The following RB1CC1 variants were observed in gnomAD, a reference collection of about 807,000 sequenced individuals.
The protein encoded by RB1CC1 is RB1-inducible coiled-coil protein 1.
RB1CC1 carries 46 observed loss-of-function variants against 177.5 expected under a neutral mutation model. The ratio of observed to expected loss-of-function variants is 0.26; its 90% confidence interval spans 0.20 to 0.33. The LOEUF is 0.33. Among genes scored for constraint, RB1CC1 ranks in the 10% least tolerant of loss-of-function variants. RB1CC1 has a pLI of 1.00. For missense variants in RB1CC1, 1,703 were observed against 1,816.3 expected (o/e 0.94, Z 1.13); for synonymous variants, 666 against 613.6 (o/e 1.09, Z -1.26).
chr8:52,694,143 A>T (rs1022265158), intron 1 of RB1CC1, among the ~76,000 whole-genome samples: 1 of 152,070 alleles, frequency 6.6e-6, no homozygotes, highest in Non-Finnish European at 1.5e-5. Context: ...ATCCTCACAC[A>T]CTTCACTCCC....
At chr8:52,680,129 C>A (rs2150578749) in intron 5 of RB1CC1, among the ~76,000 whole-genome samples, 1 of 151,928 alleles carries the variant, frequency 6.6e-6, no homozygotes, top group East Asian at 1.9e-4. Context: ...ACTAAATTAC[C>A]CTAATTTAGT....
chr8:52,623,753 T>C lies in RB1CC1; in HGVS notation c.*29A>G. The C allele has an allele frequency of 6.7e-7, 1 of 1,502,626 alleles. No individual in the cohort carries two copies. Among genetic ancestry groups the C allele is most frequent in the Non-Finnish European group, 9.3e-7 (1 of 1,079,838 alleles). 93.1% of individuals were successfully genotyped at this position (1,502,626 alleles called of 1,614,324 possible). A position where few individuals can be genotyped will look rare whatever the true frequency, so the allele number is the denominator to read the frequency against. ...CTGCAGGACAAATCAGAAAAAAATG[T>C]CATAGAATGTATTAATTTTGTCCAT... is the stretch of plus-strand genomic sequence containing the variant. On this transcript the variant is annotated 3_prime_UTR_variant, in exon 24 of 24. Coordinates refer to ENST00000025008, the MANE Select transcript of RB1CC1 (RefSeq NM_014781.5).
intron 15 of RB1CC1, among the ~76,000 whole-genome samples, chr8:52,650,348 C>T (rs763469301): frequency 6.6e-6 from 1 of 152,200 alleles, no homozygotes; most frequent in East Asian, 1.9e-4. Context: ...TGTAGCCAAA[C>T]ATGTGGGCAA....
chr8:52,636,554 T>A (rs1849156896), intron 18 of RB1CC1, among the ~76,000 whole-genome samples: 1 of 152,200 alleles, frequency 6.6e-6, no homozygotes, highest in Non-Finnish European at 1.5e-5. Flanking sequence ...ACAATTATTA[T>A]TTAGGTTTTA....
Position 52,622,638 on chromosome 8 carries a change from C to T in RB1CC1, c.*1144G>A, listed in dbSNP as rs980338774. The T allele has an allele frequency of 5.3e-5, 8 of 151,798 alleles. No homozygotes were observed. The highest frequency in any genetic ancestry group is 1.9e-4 in the African/African-American group (8 of 41,338). 9.4% of individuals were successfully genotyped at this position (151,798 alleles called of 1,614,324 possible). A position where few individuals can be genotyped will look rare whatever the true frequency, so the allele number is the denominator to read the frequency against. On this transcript the variant is annotated 3_prime_UTR_variant, in exon 24 of 24. Transcript: ENST00000025008. Reference sequence around the variant, plus strand: ...TTATTATTGTTCTCTAGCAACAAACCTCAAACAATTCTCATCCAACTCAAC... The same window carrying T: ...TTATTATTGTTCTCTAGCAACAAACTTCAAACAATTCTCATCCAACTCAAC...
At position 52,656,634 on chromosome 8, in the gene RB1CC1, C is replaced by G; in HGVS notation, c.3195G>C (p.Ala1065=). 3.1e-6 allele frequency: 5 copies of G among 1,613,828 alleles called. No homozygotes were observed. Among genetic ancestry groups the G allele is most frequent in the Non-Finnish European group, 4.2e-6 (5 of 1,179,902 alleles). The stretch of plus-strand genomic sequence containing the variant: ...TTTCATCAGTTTCTGCTTCCTTCAA[C>G]GCAAGTTCAACCTCTAACTTGCATC... ...DTRCKLEVEL[A]LKEAETDEIK... is the part of the protein sequence containing the mutation. Residue 1065 remains alanine (A), a synonymous_variant, in exon 15 of 24, where the codon GCG becomes GCC. Transcript: ENST00000025008.
At chr8:52,673,805 A>C (rs1265827158) in intron 7 of RB1CC1, 40 bp downstream of exon 7, 1 of 1,504,144 alleles carries the variant, frequency 6.6e-7, no homozygotes, top group East Asian at 2.3e-5. Context: ...AATATAAAGT[A>C]GTAAAATGAC....
At chr8:52,681,947 C>A (rs1313340820) in intron 5 of RB1CC1, among the ~76,000 whole-genome samples, 1 of 152,184 alleles carries the variant, frequency 6.6e-6, no homozygotes, top group African/African-American at 2.4e-5. Context: ...GGAGCCCCCA[C>A]ACAGAGTCCC....
rs752057447 is a variant in RB1CC1, at chr8:52,685,511, G to T, written c.-42C>A. ...TCTGTGAGCTTATACCTCACCCTCT[G>T]ATACAGTTACTAGAAGAAACAAGAG... On this transcript the variant is annotated 5_prime_UTR_variant, in exon 3 of 24. Transcript: ENST00000025008. The T allele has an allele frequency of 8.2e-7, 1 of 1,224,672 alleles. No homozygotes were observed. Among genetic ancestry groups the T allele is most frequent in the South Asian group, 1.3e-5 (1 of 77,254 alleles). The allele number at this position is 1,224,672 out of a possible 1,614,324, so 75.9% of individuals were successfully genotyped here. A position where few individuals can be genotyped will look rare whatever the true frequency, so the allele number is the denominator to read the frequency against.
At chr8:52,671,245 G>A (rs1314746924) in intron 7 of RB1CC1, among the ~76,000 whole-genome samples, 4 of 152,092 alleles carry the variant, frequency 2.6e-5, no homozygotes, top group Non-Finnish European at 5.9e-5. Context: ...CTAATTTCCT[G>A]AGAAAGACAT....
At chr8:52,667,178 TGATTTAAGA>T (rs1852141628) in intron 8 of RB1CC1, among the ~76,000 whole-genome samples, 1 of 151,976 alleles carries the variant, frequency 6.6e-6, no homozygotes, top group Non-Finnish European at 1.5e-5. Context: ...GAAATCAAGG[TGATTTAAGA>T]GATTTTCAAA....
At chr8:52,646,869 T>C (rs1440774787) in intron 15 of RB1CC1, among the ~76,000 whole-genome samples, 2 of 152,082 alleles carry the variant, frequency 1.3e-5, no homozygotes, top group East Asian at 3.8e-4. Context: ...TAAAAAAAGG[T>C]TTCTCCAAGA....
At chr8:52,699,858 T>TATATATATATACACAC (rs756226534) in intron 1 of RB1CC1, among the ~76,000 whole-genome samples, 2 of 102,824 alleles carry the variant, frequency 1.9e-5, no homozygotes, top group African/African-American at 8.2e-5. Flanking sequence ...TATATATATA[T>TATATATATATACACAC]ACACACAAAA....
intron 1 of RB1CC1, among the ~76,000 whole-genome samples, chr8:52,705,093 G>A (rs1240950081): frequency 6.6e-6 from 1 of 152,060 alleles, no homozygotes; most frequent in Non-Finnish European, 1.5e-5. Flanking sequence ...TATATACTGA[G>A]ACTTCGTAGG....
chr8:52,646,630 G>C (rs906115628), intron 15 of RB1CC1, among the ~76,000 whole-genome samples: 13 of 152,206 alleles, frequency 8.5e-5, no homozygotes, highest in East Asian at 7.7e-4. Context: ...ACTGAAAAGC[G>C]CTTACACGAA....
At chr8:52,698,151 A>T (rs1855616851) in intron 1 of RB1CC1, among the ~76,000 whole-genome samples, 1 of 151,954 alleles carries the variant, frequency 6.6e-6, no homozygotes, top group Non-Finnish European at 1.5e-5. Flanking sequence ...CACAGCTCAC[A>T]GCAACCTCAC....
rs553206504 is a variant in RB1CC1, at chr8:52,689,382, C to T, written c.-166-2415G>A. On this transcript the variant is annotated intron_variant, in intron 1 of 23. Coordinates refer to ENST00000025008, the MANE Select transcript of RB1CC1 (RefSeq NM_014781.5). ...TCTATCCCTACTGCCTTAAATCAGA[C>T]CCTGTTTTCAACCTGCACTGATTTC... Among the ~76,000 whole-genome samples the T allele has an allele frequency of 2.0e-5, 3 of 152,178 alleles. No homozygotes were observed. The East Asian group carries it at 5.8e-4, about 29-fold the overall frequency.
intron 1 of RB1CC1, among the ~76,000 whole-genome samples, chr8:52,696,953 A>G (rs542347939): frequency 6.6e-6 from 1 of 152,288 alleles, no homozygotes; most frequent in East Asian, 1.9e-4. Context: ...CAGTGAGCCA[A>G]GATCACACCA....
intron 1 of RB1CC1, among the ~76,000 whole-genome samples, chr8:52,699,858 T>TATATATATATATATACACAC (rs756226534): frequency 6.8e-5 from 7 of 102,792 alleles, no homozygotes; most frequent in African/African-American, 2.9e-4. Flanking sequence ...TATATATATA[T>TATATATATATATATACACAC]ACACACAAAA....
Sources: gnomAD v4.1 joint callset for allele counts (sites outside exome capture counted in the v4.1 genomes callset) on GRCh38, gnomAD v4.1.1 for gene constraint, MANE v1.5 for transcripts, NCBI Gene and HGNC (gene_info 2026-07-23, HGNC 2026-07-21) for gene names.